The following SEL1L variants were observed in gnomAD, a reference collection of about 807,000 sequenced individuals.
SEL1L encodes the protein SEL1L adaptor subunit of SYVN1 ubiquitin ligase, also known as protein sel-1 homolog 1.
A neutral mutation model predicts 109.8 loss-of-function variants in SEL1L; 52 were observed. That is an observed-to-expected ratio of 0.47 (90% CI 0.38 to 0.60). The LOEUF (loss-of-function observed/expected upper bound fraction) is 0.60, where lower values mean the gene tolerates loss of function less well. Ranked by LOEUF, SEL1L falls within the 20% of genes least tolerant of loss-of-function variation. SEL1L has a pLI of 0.00. For synonymous variants in SEL1L, 373 were observed against 339.6 expected (o/e 1.10, Z -1.08); for missense variants, 749 against 962.2 (o/e 0.78, Z 2.93).
chr14:81,533,090 G>A (rs1885397378), intron 1 of SEL1L, among the ~76,000 whole-genome samples: 2 of 152,054 alleles, frequency 1.3e-5, no homozygotes, highest in South Asian at 4.1e-4. Flanking sequence ...ACAAACATGG[G>A]GCAACTCAGA....
intron 8 of SEL1L, 29 bp from the exon 9 acceptor site, chr14:81,498,523 G>A (rs976220906): frequency 4.0e-6 from 6 of 1,511,706 alleles, no homozygotes; most frequent in South Asian, 1.1e-5. Context: ...TGAGGAGGCA[G>A]CAGTTTCATG....
intron 3 of SEL1L, among the ~76,000 whole-genome samples, chr14:81,514,526 G>C (rs1019986885): frequency 1.3e-5 from 2 of 152,188 alleles, no homozygotes; most frequent in African/African-American, 2.4e-5. Flanking sequence ...GGACAGACAA[G>C]AGTGCAGGAT....
chr14:81,504,976 A>G (rs1057050192), intron 4 of SEL1L, among the ~76,000 whole-genome samples: 2 of 152,142 alleles, frequency 1.3e-5, no homozygotes, highest in Non-Finnish European at 2.9e-5. Flanking sequence ...CAGAACTGTG[A>G]GCCAATTAAG....
At chr14:81,521,615 C>T (rs1210852862) in intron 3 of SEL1L, among the ~76,000 whole-genome samples, 1 of 152,164 alleles carries the variant, frequency 6.6e-6, no homozygotes, top group Non-Finnish European at 1.5e-5. Context: ...CAATCCATTA[C>T]TCATGTTTTT....
intron 1 of SEL1L, among the ~76,000 whole-genome samples, chr14:81,531,954 A>C (rs766421812): frequency 3.9e-5 from 6 of 152,216 alleles, no homozygotes; most frequent in Non-Finnish European, 5.9e-5. Flanking sequence ...TACCATTGAA[A>C]TGTTGTGGCA....
At chr14:81,502,698 T>A in intron 6 of SEL1L, 23 bp downstream of exon 6, 1 of 1,609,676 alleles carries the variant, frequency 6.2e-7, no homozygotes, top group South Asian at 1.1e-5. Context: ...TGCAGAGAGA[T>A]TCTTCACTGA....
intron 6 of SEL1L, among the ~76,000 whole-genome samples, chr14:81,502,084 A>G (rs2140017461): frequency 6.6e-6 from 1 of 152,150 alleles, no homozygotes; most frequent in East Asian, 1.9e-4. Flanking sequence ...TTTTGGGTTC[A>G]ACATCATATG....
At chr14:81,485,539 G>T in intron 18 of SEL1L, 133 bp downstream of exon 18, 1 of 714,258 alleles carries the variant, frequency 1.4e-6, no homozygotes, top group Non-Finnish European at 2.4e-6. Flanking sequence ...TGATCCTCCT[G>T]CCTTGGCTTC....
intron 6 of SEL1L, among the ~76,000 whole-genome samples, chr14:81,500,071 A>G (rs1595516823): frequency 6.6e-6 from 1 of 151,988 alleles, no homozygotes; most frequent in Non-Finnish European, 1.5e-5. Flanking sequence ...CACCACGCCC[A>G]GCTAGTTTTT....
intron 19 of SEL1L, among the ~76,000 whole-genome samples, chr14:81,480,953 C>A (rs77491930): frequency 0.011 from 1,615 of 151,102 alleles, 25 homozygotes; most frequent in African/African-American, 0.037. Flanking sequence ...GGGGCTACCA[C>A]CGGAAGAGAT....
intron 3 of SEL1L, among the ~76,000 whole-genome samples, chr14:81,514,741 C>A (rs533183232): frequency 2.0e-4 from 31 of 152,246 alleles, no homozygotes; most frequent in African/African-American, 6.5e-4. Flanking sequence ...GGGAAACAGG[C>A]ATCAATAGGC....
At chr14:81,506,995 T>C (rs1443803038) in intron 3 of SEL1L, among the ~76,000 whole-genome samples, 1 of 152,160 alleles carries the variant, frequency 6.6e-6, no homozygotes, top group Non-Finnish European at 1.5e-5. Context: ...GAGGTTTCAA[T>C]TGAACCTGAA....
At position 81,476,036 on chromosome 14, in the gene SEL1L, C is replaced by T. The variant is rs139072105; in HGVS notation, c.*936G>A. ...TGTGTTCTTTGTGCAAAAAGAAATG[C>T]AAAGTAAAATAAATCCTGGGAACAA... On this transcript the variant is annotated 3_prime_UTR_variant, in exon 21 of 21. Transcript: ENST00000336735. The T allele has an allele frequency of 5.1e-4, 77 of 152,190 alleles. No homozygotes were observed. The highest frequency in any genetic ancestry group is 1.7e-3 in the African/African-American group (69 of 41,528). The allele number at this position is 152,190 out of a possible 1,614,324, so 9.4% of individuals were successfully genotyped here. A position where few individuals can be genotyped will look rare whatever the true frequency, so the allele number is the denominator to read the frequency against.
chr14:81,506,557 T>C (rs1884247323), intron 3 of SEL1L, among the ~76,000 whole-genome samples: 1 of 152,156 alleles, frequency 6.6e-6, no homozygotes, highest in African/African-American at 2.4e-5. Flanking sequence ...TAAGGCAAAA[T>C]GCAAGTGAAT....
chr14:81,502,971 A>G, intron 5 of SEL1L, 88 bp from the exon 6 acceptor site: 1 of 1,054,624 alleles, frequency 9.5e-7, no homozygotes, highest in Non-Finnish European at 1.4e-6. Flanking sequence ...CAACATAAAT[A>G]ATTTCCTTAT....
Position 81,479,675 on chromosome 14 carries a change from T to G in SEL1L, c.2112A>C (p.Pro704=), listed in dbSNP as rs910953779. The change falls in exon 20 of 21, where the codon CCA becomes CCC. Residue 704 remains proline, a synonymous_variant. Transcript: ENST00000336735. ...AAEASPDAQV[P]VFLALCKLGV... The stretch of plus-strand genomic sequence containing the variant: ...CCAATTTGCAGAGGGCTAGGAAGAC[T>G]GGAACTTGTGCATCTGGGCTGGCTT... 1.9e-6 allele frequency: 3 copies of G among 1,614,062 alleles called. No homozygotes were observed. The highest frequency in any genetic ancestry group is 1.7e-5 in the Admixed American group (1 of 59,996).
At chr14:81,527,570 T>C in intron 2 of SEL1L, 131 bp downstream of exon 2, 2 of 581,932 alleles carry the variant, frequency 3.4e-6, no homozygotes, top group South Asian at 3.1e-5. Context: ...ACTAATACCA[T>C]CTGTCTTTTT....
Position 81,483,700 on chromosome 14 carries a change from A to T in SEL1L, c.2046+525T>A, listed in dbSNP as rs145990225. ...AAATGTTAATGCTTAAAATAGCTGG[A>T]ACTTAGACCCTTTGAAACTTAAGAA... On this transcript the variant is annotated intron_variant, in intron 19 of 20. Coordinates refer to ENST00000336735, the MANE Select transcript of SEL1L (RefSeq NM_005065.6). 4.4e-3 allele frequency among the ~76,000 whole-genome samples: 671 copies of T among 152,312 alleles called. 4 individuals are homozygous for T. Among genetic ancestry groups the T allele is most frequent in the African/African-American group, 0.015 (630 of 41,564 alleles).
At position 81,510,514 on chromosome 14, in the gene SEL1L, C is replaced by CTCTCTCTCTATATATA. The variant is rs35474067; in HGVS notation, c.341-4274_341-4273insTATATATAGAGAGAGA. Among the ~76,000 whole-genome samples, 196 of 104,040 alleles carry CTCTCTCTCTATATATA rather than the reference C, an allele frequency of 1.9e-3. 1 individual carries two copies. Among genetic ancestry groups the CTCTCTCTCTATATATA allele is most frequent in the African/African-American group, 2.5e-3 (73 of 29,270 alleles). The allele number at this position is 104,040 out of a possible 152,430, so 68.3% of individuals were successfully genotyped here. On this transcript the variant is annotated intron_variant, in intron 3 of 20. Transcript: ENST00000336735. ...TCTCTCTCTCTCTCTCTCTCTCTCT[C>CTCTCTCTCTATATATA]TATATATATATATATAGACAATTAA... is the stretch of plus-strand genomic sequence containing the variant.
Sources: gnomAD v4.1 joint callset for allele counts (sites outside exome capture counted in the v4.1 genomes callset) on GRCh38, gnomAD v4.1.1 for gene constraint, MANE v1.5 for transcripts, NCBI Gene and HGNC (gene_info 2026-07-23, HGNC 2026-07-21) for gene names.